LRFN2: variants seen among roughly 807,000 people sequenced by gnomAD.
LRFN2 encodes the protein leucine rich repeat and fibronectin type III domain containing 2.
In LRFN2, 18 loss-of-function variants were observed where a neutral mutation model predicts 37.3. The ratio of observed to expected loss-of-function variants is 0.48; its 90% CI spans 0.33 to 0.72. The LOEUF (loss-of-function observed/expected upper bound fraction) is 0.72, where lower values mean the gene tolerates loss of function less well. LRFN2 is among the 30% of genes least tolerant of loss of function. The pLI is 0.02. For missense variants in LRFN2, 1,006 were observed against 1,060.7 expected (o/e 0.95, Z 0.72); for synonymous variants, 556 against 466.6 (o/e 1.19, Z -2.47).
intron 1 of LRFN2, among the ~76,000 whole-genome samples, chr6:40,503,897 C>T (rs1348158584): frequency 6.6e-6 from 1 of 151,848 alleles, no homozygotes; most frequent in Non-Finnish European, 1.5e-5. Context: ...GGAAAAGCCC[C>T]TGTGCTGGAA....
At chr6:40,441,197 T>TCGC (rs1763826668) in intron 1 of LRFN2, among the ~76,000 whole-genome samples, 1 of 152,156 alleles carries the variant, frequency 6.6e-6, no homozygotes, top group South Asian at 2.1e-4. Flanking sequence ...TGTGCGGCAC[T>TCGC]CGCCGTCTGT....
chr6:40,549,579 C>T (rs1193240212), intron 1 of LRFN2, among the ~76,000 whole-genome samples: 1 of 152,098 alleles, frequency 6.6e-6, no homozygotes, highest in East Asian at 1.9e-4. Context: ...ATTGCTGTGG[C>T]CTATAATCCA....
intron 1 of LRFN2, among the ~76,000 whole-genome samples, chr6:40,462,104 T>C (rs905510591): frequency 2.0e-5 from 3 of 152,190 alleles, no homozygotes; most frequent in Admixed American, 1.3e-4. Context: ...GAGCAGTAAT[T>C]ACTGCAAGAA....
chr6:40,580,023 C>A (rs1450478645), intron 1 of LRFN2, among the ~76,000 whole-genome samples: 1 of 152,040 alleles, frequency 6.6e-6, no homozygotes, highest in Non-Finnish European at 1.5e-5. Context: ...GAATGGCAGG[C>A]AGAAAAGCAC....
chr6:40,453,120 G>A (rs762206825), intron 1 of LRFN2, among the ~76,000 whole-genome samples: 3 of 152,126 alleles, frequency 2.0e-5, no homozygotes, highest in Admixed American at 1.3e-4. Context: ...ACTATTGCAG[G>A]TAGAGACTCC....
At chr6:40,467,332 G>A (rs972975294) in intron 1 of LRFN2, among the ~76,000 whole-genome samples, 1 of 151,966 alleles carries the variant, frequency 6.6e-6, no homozygotes, top group African/African-American at 2.4e-5. Context: ...ATCCTGTCTG[G>A]GGCAGGCCCA....
chr6:40,461,826 G>A (rs1014413626), intron 1 of LRFN2, among the ~76,000 whole-genome samples: 8 of 152,158 alleles, frequency 5.3e-5, no homozygotes, highest in South Asian at 4.2e-4. Flanking sequence ...CACCCTCCCC[G>A]CAAAACCTCA....
At chr6:40,542,687 C>G (rs547833917) in intron 1 of LRFN2, among the ~76,000 whole-genome samples, 164 of 152,314 alleles carry the variant, frequency 1.1e-3, no homozygotes, top group African/African-American at 3.8e-3. Context: ...CTCCCCAACT[C>G]TGACCAGGCC....
At chr6:40,573,966 CAAAA>C (rs556362574) in intron 1 of LRFN2, among the ~76,000 whole-genome samples, 2 of 152,108 alleles carry the variant, frequency 1.3e-5, no homozygotes, top group Non-Finnish European at 2.9e-5. Context: ...GTGTCAAAAA[CAAAA>C]CAAACAAACA....
chr6:40,522,610 A>C (rs1766114580), intron 1 of LRFN2, among the ~76,000 whole-genome samples: 1 of 152,172 alleles, frequency 6.6e-6, no homozygotes, highest in Non-Finnish European at 1.5e-5. Context: ...GGAACCAGCA[A>C]GCAGGGGCTA....
intron 2 of LRFN2, among the ~76,000 whole-genome samples, chr6:40,429,091 C>G (rs910332147): frequency 6.6e-6 from 1 of 152,196 alleles, no homozygotes; most frequent in African/African-American, 2.4e-5. Context: ...TCTGCATAAC[C>G]AGCCCTGAGA....
intron 1 of LRFN2, among the ~76,000 whole-genome samples, chr6:40,565,858 T>C (rs1381081356): frequency 2.0e-5 from 3 of 151,562 alleles, no homozygotes; most frequent in Non-Finnish European, 2.9e-5. Flanking sequence ...CCAAAAGCAA[T>C]GGCAACAAAA....
chr6:40,582,529 G>A (rs935664957), intron 1 of LRFN2, among the ~76,000 whole-genome samples: 3 of 151,864 alleles, frequency 2.0e-5, no homozygotes, highest in African/African-American at 7.3e-5. Flanking sequence ...TATAGTTCCA[G>A]TCTGTTCCTC....
chr6:40,566,651 G>A lies in LRFN2; in HGVS notation c.-19+20290C>T, dbSNP rs1253520667. Among the ~76,000 whole-genome samples, 11 of 151,048 alleles carry A rather than the reference G, an allele frequency of 7.3e-5. No homozygotes were observed. The South Asian group carries it at 1.1e-3, about 15-fold the overall frequency. ...TCACATGGACAAAAAACCAAACACC[G>A]CATGTTCTCACTCATAGGTGGGAAT... On this transcript the variant is annotated intron_variant, in intron 1 of 2. Transcript: ENST00000338305.
In LRFN2 at chr6:40,511,614, A is replaced by T. The variant is rs151268290; in HGVS notation, c.-19+75327T>A. On this transcript the variant is annotated intron_variant, in intron 1 of 2. Coordinates refer to ENST00000338305, the MANE Select transcript of LRFN2 (RefSeq NM_020737.3). ...TCTGGGAGACATTATGGCAAGAGGG[A>T]GGTGCTGCAAGTTTCTGAAAGGAGG... is the stretch of plus-strand genomic sequence containing the variant. Among the ~76,000 whole-genome samples the T allele has an allele frequency of 2.6e-4, 39 of 152,160 alleles. 1 individual carries two copies. The highest frequency in any genetic ancestry group is 2.3e-3 in the East Asian group (12 of 5,158).
Position 40,497,833 on chromosome 6 carries a change from A to C in LRFN2, c.-18-64702T>G, listed in dbSNP as rs539113129. Among the ~76,000 whole-genome samples, 20 of 152,340 alleles carry C rather than the reference A, an allele frequency of 1.3e-4. No homozygotes were observed. In the East Asian group the frequency reaches 3.7e-3, roughly 28 times the overall value. On this transcript the variant is annotated intron_variant, in intron 1 of 2. Transcript: ENST00000338305. ...CCAGGAAGCAAGGATGATCAAAAAA[A>C]CAAGATCAGGACATCAACAGCTGGC...
At chr6:40,402,578 G>A (rs755100134) in intron 2 of LRFN2, among the ~76,000 whole-genome samples, 1 of 152,212 alleles carries the variant, frequency 6.6e-6, no homozygotes, top group Non-Finnish European at 1.5e-5. Context: ...GAAATCCTGT[G>A]AGGGAGGTAC....
At chr6:40,399,428 TTTTTTTTTTC>T (rs891667076) in intron 2 of LRFN2, among the ~76,000 whole-genome samples, 5 of 133,928 alleles carry the variant, frequency 3.7e-5, no homozygotes, top group African/African-American at 6.4e-5. Context: ...TTTCTTTTCT[TTTTTTTTTTC>T]TTTTTTTTTT....
At chr6:40,457,784 C>A (rs906661846) in intron 1 of LRFN2, among the ~76,000 whole-genome samples, 1 of 152,130 alleles carries the variant, frequency 6.6e-6, no homozygotes, top group Non-Finnish European at 1.5e-5. Context: ...AGCTCTCCTC[C>A]CCTTCTAGAC....
Sources: gnomAD v4.1 joint callset for allele counts (sites outside exome capture counted in the v4.1 genomes callset) on GRCh38, gnomAD v4.1.1 for gene constraint, MANE v1.5 for transcripts, NCBI Gene and HGNC (gene_info 2026-07-23, HGNC 2026-07-21) for gene names.